The following ANKRD11 variants were observed in gnomAD, a reference collection of about 807,000 sequenced individuals.
The protein encoded by ANKRD11 is ankyrin repeat domain-containing protein 11.
Under a neutral mutation model 195.7 loss-of-function variants are expected in ANKRD11, and 17 were observed. That is an observed-to-expected ratio of 0.09 (90% CI 0.06 to 0.13). The LOEUF is 0.13. Among genes scored for constraint, ANKRD11 ranks in the 10% least tolerant of loss-of-function variants. ANKRD11 has a pLI of 1.00. For missense variants in ANKRD11, 3,735 were observed against 3,566.1 expected, an observed-to-expected ratio of 1.05 and a Z score of -1.21; for synonymous variants, 1,953 against 1,528.1, an observed-to-expected ratio of 1.28 and a Z score of -6.49.
chr16:89,352,023 G>C (rs1372928996), intron 2 of ANKRD11, among the ~76,000 whole-genome samples: 13 of 152,012 alleles, frequency 8.6e-5, no homozygotes, highest in Admixed American at 8.5e-4. Flanking sequence ...CAATTCTCAC[G>C]CCTCCGCTGA....
At chr16:89,362,592 T>C (rs2930221) in intron 2 of ANKRD11, among the ~76,000 whole-genome samples, 1,769 of 152,332 alleles carry the variant, frequency 0.012, 28 homozygotes, top group African/African-American at 0.04. Context: ...CCCCATCTAA[T>C]TAAAAATAAA....
At chr16:89,318,148 C>T (rs925403768) in intron 2 of ANKRD11, among the ~76,000 whole-genome samples, 2 of 152,210 alleles carry the variant, frequency 1.3e-5, no homozygotes, top group African/African-American at 2.4e-5. Flanking sequence ...ACACACGGTG[C>T]GAGCGCACTT....
In ANKRD11 at chr16:89,279,688, G is replaced by C; in HGVS notation, c.6854C>G (p.Ala2285Gly). 6.7e-7 allele frequency: 1 copy of C among 1,493,654 alleles called. No individual in the cohort carries two copies. The highest frequency in any genetic ancestry group is 8.9e-7 in the Non-Finnish European group (1 of 1,125,150). The allele number at this position is 1,493,654 out of a possible 1,614,324, so 92.5% of individuals were successfully genotyped here. A position where few individuals can be genotyped will look rare whatever the true frequency, so the allele number is the denominator to read the frequency against. ...APNTVAQAQA[A>G]DGAGPEDDTE... ...GTCGTCCTCGGGGCCGGCACCGTCT[G>C]CGGCCTGAGCTTGTGCCACAGTGTT... Residue 2285 changes from alanine to glycine, a missense_variant, in exon 9 of 13, where the codon GCA (alanine) becomes GGA (glycine). Transcript: ENST00000301030. This position sits in a 1 kb window ranked among gnomAD's most constrained non-coding sequence, Gnocchi z 5.6.
chr16:89,455,887 A>G (rs1460057733), intron 1 of ANKRD11, among the ~76,000 whole-genome samples: 1 of 152,190 alleles, frequency 6.6e-6, no homozygotes, highest in African/African-American at 2.4e-5. Context: ...GTATATGCCC[A>G]AAAAGTGTTC....
intron 9 of ANKRD11, among the ~76,000 whole-genome samples, chr16:89,276,889 C>T (rs1304728615): frequency 6.6e-6 from 1 of 152,000 alleles, no homozygotes; most frequent in South Asian, 2.1e-4. Context: ...AACCCTGTCT[C>T]TACAGAAAAT....
At chr16:89,326,472 C>T (rs904319573) in intron 2 of ANKRD11, among the ~76,000 whole-genome samples, 2 of 151,974 alleles carry the variant, frequency 1.3e-5, no homozygotes, top group African/African-American at 2.4e-5. Flanking sequence ...GGGCCAGGCA[C>T]GGTGGCTCAC....
Position 89,285,027 on chromosome 16 carries a change from G to A in ANKRD11, c.1515C>T (p.Ser505=), listed in dbSNP as rs779272419. The change falls in exon 9 of 13, where the codon TCC becomes TCT. Residue 505 remains serine, a synonymous_variant. Coordinates refer to ENST00000301030, the MANE Select transcript of ANKRD11 (RefSeq NM_013275.6). This position sits in a 1 kb window ranked among gnomAD's most constrained non-coding sequence, Gnocchi z 5.6. The part of the protein sequence containing the change: ...SLGSSGCLKG[S]PLVLKDPSLF... ...GGGAGGGGTCCTTCAGCACCAGCGG[G>A]GACCCCTTGAGGCAGCCAGAGCTCC... 6.2e-7 allele frequency: 1 copy of A among 1,613,854 alleles called. No individual in the cohort carries two copies. The highest frequency in any genetic ancestry group is 1.7e-5 in the Admixed American group (1 of 60,008).
chr16:89,351,955 G>C (rs973170534), intron 2 of ANKRD11, among the ~76,000 whole-genome samples: 3 of 152,194 alleles, frequency 2.0e-5, no homozygotes, highest in African/African-American at 7.2e-5. Flanking sequence ...CTGTCGCCCA[G>C]GATGGAGTGC....
chr16:89,488,201 G>C (rs1435064407), intron 1 of ANKRD11, among the ~76,000 whole-genome samples: 1 of 152,120 alleles, frequency 6.6e-6, no homozygotes, highest in Admixed American at 6.6e-5. Flanking sequence ...CTATCTTGTG[G>C]GGAACTTTTC....
chr16:89,310,016 G>A (rs1357064586), intron 3 of ANKRD11, among the ~76,000 whole-genome samples: 1 of 152,226 alleles, frequency 6.6e-6, no homozygotes, highest in Admixed American at 6.5e-5. Context: ...CTCATGGGAA[G>A]CACACACAGA....
intron 2 of ANKRD11, among the ~76,000 whole-genome samples, chr16:89,406,309 C>G (rs1267241541): frequency 6.6e-6 from 1 of 152,162 alleles, no homozygotes; most frequent in African/African-American, 2.4e-5. Flanking sequence ...CTGACAGAAG[C>G]ACAGACCCTC....
chr16:89,268,460 TGCGGCCGTCCC>T lies in ANKRD11; in HGVS notation c.*7_*17del, dbSNP rs2032823957. 1 of 1,142,928 alleles carries T rather than the reference TGCGGCCGTCCC, an allele frequency of 8.7e-7. No homozygotes were observed. The highest frequency in any genetic ancestry group is 1.7e-5 in the African/African-American group (1 of 58,740). 70.8% of individuals were successfully genotyped at this position (1,142,928 alleles called of 1,614,324 possible). A position where few individuals can be genotyped will look rare whatever the true frequency, so the allele number is the denominator to read the frequency against. On this transcript the variant is annotated 3_prime_UTR_variant, in exon 13 of 13. Coordinates refer to ENST00000301030, the MANE Select transcript of ANKRD11 (RefSeq NM_013275.6). ...AGCCGTGCGGCCCTCGCCTGCGTCC[TGCGGCCGTCCC>T]GCGGTGTCATGCCGGCAACAATACA...
intron 2 of ANKRD11, chr16:89,403,841 G>A (rs1292377963): frequency 6.6e-6 from 1 of 152,120 alleles, no homozygotes; most frequent in Non-Finnish European, 1.5e-5. Context: ...GCTGAGGAAG[G>A]GGCATCATTT....
chr16:89,338,254 G>A (rs1056624222), intron 2 of ANKRD11, among the ~76,000 whole-genome samples: 1 of 152,072 alleles, frequency 6.6e-6, no homozygotes, highest in African/African-American at 2.4e-5. Context: ...GTGCTGCCAT[G>A]AGCGCCACAC....
chr16:89,389,367 T>C (rs1035255336), intron 2 of ANKRD11, among the ~76,000 whole-genome samples: 9 of 151,442 alleles, frequency 5.9e-5, no homozygotes, highest in Admixed American at 2.6e-4. Flanking sequence ...AAATAAAAAG[T>C]ATATTGAAAA....
intron 2 of ANKRD11, among the ~76,000 whole-genome samples, chr16:89,409,093 G>C (rs2042018012): frequency 6.6e-6 from 1 of 152,228 alleles, no homozygotes; most frequent in Non-Finnish European, 1.5e-5. Context: ...GGGAAGCTGG[G>C]GGCCCAGGCC....
At chr16:89,448,189 A>T (rs2043893984) in intron 1 of ANKRD11, among the ~76,000 whole-genome samples, 1 of 152,082 alleles carries the variant, frequency 6.6e-6, no homozygotes, top group South Asian at 2.1e-4. Flanking sequence ...CCCTGCAGAC[A>T]GTGGGCACCT....
At chr16:89,365,915 G>T (rs937956960) in intron 2 of ANKRD11, among the ~76,000 whole-genome samples, 17 of 151,856 alleles carry the variant, frequency 1.1e-4, no homozygotes, top group African/African-American at 3.9e-4. Context: ...CTGTGTCCAC[G>T]TGTTCTCATC....
chr16:89,374,408 T>G (rs1293584332), intron 2 of ANKRD11, among the ~76,000 whole-genome samples: 1 of 152,018 alleles, frequency 6.6e-6, no homozygotes, highest in African/African-American at 2.4e-5. Context: ...CTGTTCTACA[T>G]GGGCAGAGCT....
Sources: allele counts gnomAD v4.1 joint callset (sites outside exome capture counted in the v4.1 genomes callset), GRCh38; gene constraint gnomAD v4.1.1; non-coding constraint Gnocchi (gnomAD v3.1); transcripts MANE v1.5; gene names NCBI Gene and HGNC (gene_info 2026-07-23, HGNC 2026-07-21).